Variants in AK7 observed in about 807,000 individuals in gnomAD.
AK7 encodes the protein ATP-AMP transphosphorylase 7.
In AK7, 78 loss-of-function variants were observed where a neutral mutation model predicts 96.6. The observed-to-expected ratio is 0.81, with a 90% confidence interval of 0.67 to 0.97. AK7 has a LOEUF of 0.97. Ranked by LOEUF, AK7 falls within the 50% of genes least tolerant of loss-of-function variation. The pLI is 0.00. For synonymous variants in AK7, 302 were observed against 317.2 expected, an observed-to-expected ratio of 0.95 and a Z score of 0.51; for missense variants, 855 against 887.9, an observed-to-expected ratio of 0.96 and a Z score of 0.47.
chr14:96,414,306 T>C (rs1473405119), intron 4 of AK7, among the ~76,000 whole-genome samples: 2 of 152,198 alleles, frequency 1.3e-5, no homozygotes, highest in East Asian at 1.9e-4. Flanking sequence ...TTGGAAGAGA[T>C]GCTCATCACT....
In AK7 at chr14:96,468,296, C is replaced by CTTTT. The variant is rs67009492; in HGVS notation, c.1358-3162_1358-3159dup. On this transcript the variant is annotated intron_variant, in intron 12 of 17. Transcript: ENST00000267584. ...AAATACATAGCTTTTGCACTCTTTCCTTTTTTTTTTTTTTTTTTTTTTTGA... is the reference window on the plus strand; with the variant it reads ...AAATACATAGCTTTTGCACTCTTTCCTTTTTTTTTTTTTTTTTTTTTTTTTTTGA... Among the ~76,000 whole-genome samples the CTTTT allele has an allele frequency of 1.3e-3, 130 of 98,544 alleles. 3 individuals are homozygous for CTTTT. The highest frequency in any genetic ancestry group is 9.3e-3 in the South Asian group (26 of 2,802). The allele number at this position is 98,544 out of a possible 152,430, so 64.6% of individuals were successfully genotyped here.
rs1016896050 is a variant in AK7, at chr14:96,458,109, A to T, written c.1254A>T (p.Val418=). 2.5e-6 allele frequency: 4 copies of T among 1,613,688 alleles called. No individual in the cohort carries two copies. The highest frequency in any genetic ancestry group is 3.4e-6 in the Non-Finnish European group (4 of 1,179,814). The change falls in exon 12 of 18, where the codon GTA becomes GTT. Residue 418 remains valine, a synonymous_variant. Coordinates refer to ENST00000267584, the MANE Select transcript of AK7 (RefSeq NM_152327.5). ...AGGCGATTGTTGCCCCTAACGATGT[A>T]GGGGAAGGAGAAGAAGAAGTCGAAG... is the stretch of plus-strand genomic sequence containing the variant. ...KLEAIVAPND[V]GEGEEEVEEE...
At chr14:96,396,896 G>C (rs1442918282) in intron 1 of AK7, among the ~76,000 whole-genome samples, 1 of 151,886 alleles carries the variant, frequency 6.6e-6, no homozygotes, top group African/African-American at 2.4e-5. Flanking sequence ...CACCAGCCTG[G>C]GCAACAACAG....
chr14:96,439,643 G>A (rs540410353), intron 6 of AK7, among the ~76,000 whole-genome samples: 26 of 140,248 alleles, frequency 1.9e-4, no homozygotes, highest in Non-Finnish European at 3.0e-4. Context: ...CAGCCTGGGT[G>A]ACAGAGCGAG....
Position 96,397,096 on chromosome 14 carries a change from C to CA in AK7, c.106-972dup, listed in dbSNP as rs1566754747. Among the ~76,000 whole-genome samples the CA allele has an allele frequency of 2.0e-5, 3 of 151,800 alleles. No homozygotes were observed. The South Asian group carries it at 6.2e-4, about 32-fold the overall frequency. Reference sequence around the variant, plus strand: ...TGAGCAACAGAATGAGACTCTGTCTCAAAAAAAGAAATGTCGCTAGTCCAA... The same window carrying CA: ...TGAGCAACAGAATGAGACTCTGTCTCAAAAAAAAGAAATGTCGCTAGTCCAA... On this transcript the variant is annotated intron_variant, in intron 1 of 17. Coordinates refer to ENST00000267584, the MANE Select transcript of AK7 (RefSeq NM_152327.5).
At chr14:96,419,122 G>A (rs1561942) in intron 4 of AK7, among the ~76,000 whole-genome samples, 92,079 of 151,916 alleles carry the variant, frequency 0.61, 28,107 homozygotes, top group East Asian at 0.68. Context: ...TGGGTTGTGG[G>A]GAGACTGAAT....
chr14:96,415,462 G>T (rs1002524957), intron 4 of AK7, among the ~76,000 whole-genome samples: 2 of 152,038 alleles, frequency 1.3e-5, no homozygotes, highest in Non-Finnish European at 2.9e-5. Flanking sequence ...GGAATGAAGT[G>T]TTGTCTTGGA....
intron 14 of AK7, among the ~76,000 whole-genome samples, chr14:96,473,581 G>C (rs1449533133): frequency 6.6e-6 from 1 of 151,550 alleles, no homozygotes; most frequent in East Asian, 1.9e-4. Flanking sequence ...AATAAAGTAG[G>C]ATTTTTTTTT....
rs535585726 is a variant in AK7, at chr14:96,473,300, A to C, written c.1555+545A>C. Reference sequence around the variant, plus strand: ...ATTCTCCTGCCTCAGTCTCCCCAGCAGCTGGGACTACAGGCGCCTACCACC... The same window carrying C: ...ATTCTCCTGCCTCAGTCTCCCCAGCCGCTGGGACTACAGGCGCCTACCACC... On this transcript the variant is annotated intron_variant, in intron 14 of 17. Transcript: ENST00000267584. Among the ~76,000 whole-genome samples the C allele has an allele frequency of 9.3e-5, 14 of 150,850 alleles. No individual in the cohort carries two copies. In the East Asian group the frequency reaches 2.6e-3, roughly 28 times the overall value.
At chr14:96,448,532 A>G (rs918702634) in intron 8 of AK7, among the ~76,000 whole-genome samples, 4 of 149,482 alleles carry the variant, frequency 2.7e-5, no homozygotes, top group Non-Finnish European at 5.9e-5. Context: ...TGAGAGGCTA[A>G]GGTGCGAGGA....
At chr14:96,429,794 A>T (rs1892242292) in intron 5 of AK7, among the ~76,000 whole-genome samples, 1 of 152,206 alleles carries the variant, frequency 6.6e-6, no homozygotes, top group South Asian at 2.1e-4. Flanking sequence ...AATGCTTGTG[A>T]TTTTTGCACA....
intron 13 of AK7, among the ~76,000 whole-genome samples, chr14:96,472,386 T>C (rs1278678333): frequency 1.3e-5 from 2 of 152,206 alleles, no homozygotes; most frequent in Non-Finnish European, 2.9e-5. Context: ...AACTCCTGGC[T>C]TCAGGTGATC....
At chr14:96,479,803 T>G (rs1895413772) in intron 15 of AK7, among the ~76,000 whole-genome samples, 1 of 152,202 alleles carries the variant, frequency 6.6e-6, no homozygotes, top group Non-Finnish European at 1.5e-5. Flanking sequence ...AAGAACCAGC[T>G]TCTGCCTGGT....
intron 12 of AK7, among the ~76,000 whole-genome samples, chr14:96,458,632 C>T (rs1220989731): frequency 6.6e-6 from 1 of 151,568 alleles, no homozygotes; most frequent in Non-Finnish European, 1.5e-5. Flanking sequence ...GTCCCAGCTA[C>T]TCAGGAGGCT....
chr14:96,456,521 A>G (rs746091943), intron 11 of AK7, 46 bp downstream of exon 11: 2 of 1,592,526 alleles, frequency 1.3e-6, no homozygotes, highest in Admixed American at 3.4e-5. Context: ...TAATTACTGT[A>G]TTGTTCTTAG....
At chr14:96,467,964 T>C (rs1438380108) in intron 12 of AK7, among the ~76,000 whole-genome samples, 2 of 149,902 alleles carry the variant, frequency 1.3e-5, no homozygotes, top group African/African-American at 2.5e-5. Context: ...GGCTCACATA[T>C]GGTGGCTCAC....
chr14:96,407,580 CTTTT>C (rs11364736), intron 3 of AK7, among the ~76,000 whole-genome samples: 54 of 60,348 alleles, frequency 8.9e-4, no homozygotes, highest in Middle Eastern at 8.6e-3. Flanking sequence ...TCTTTCTTTT[CTTTT>C]TTTTTTTTTT....
chr14:96,420,162 G>T (rs1048513050), intron 4 of AK7, among the ~76,000 whole-genome samples: 3 of 151,196 alleles, frequency 2.0e-5, no homozygotes, highest in Admixed American at 1.3e-4. Context: ...CACTGCGCCT[G>T]GCCTCCTAAA....
chr14:96,455,486 A>G (rs1000252326), intron 10 of AK7, among the ~76,000 whole-genome samples: 2 of 152,206 alleles, frequency 1.3e-5, no homozygotes, highest in African/African-American at 4.8e-5. Context: ...ACCTATCTCA[A>G]TACAAAACAA....
Sources: gnomAD v4.1 joint callset for allele counts (sites outside exome capture counted in the v4.1 genomes callset) on GRCh38, gnomAD v4.1.1 for gene constraint, MANE v1.5 for transcripts, NCBI Gene and HGNC (gene_info 2026-07-23, HGNC 2026-07-21) for gene names.